FAM81A: variants seen among roughly 807,000 people sequenced by gnomAD.
The protein encoded by FAM81A is family with sequence similarity 81 member A.
Under a neutral mutation model 46.7 loss-of-function variants are expected in FAM81A, and 19 were observed. The observed-to-expected ratio is 0.41, with a 90% confidence interval of 0.28 to 0.60. The LOEUF (loss-of-function observed/expected upper bound fraction) is 0.60. Ranked by LOEUF, FAM81A falls within the 20% of genes least tolerant of loss-of-function variation. The probability of loss-of-function intolerance (pLI) is 0.34; values close to 1 mark genes in which losing one functional copy is unlikely to be tolerated. For missense variants in FAM81A, 377 were observed against 453.5 expected (o/e 0.83, Z 1.53); for synonymous variants, 183 against 152.9 (o/e 1.20, Z -1.45).
intron 3 of FAM81A, among the ~76,000 whole-genome samples, chr15:59,470,428 G>T (rs574519670): frequency 4.6e-4 from 70 of 152,094 alleles, no homozygotes; most frequent in African/African-American, 1.2e-3. Flanking sequence ...CTCTAACCTT[G>T]TCTTCTTCCT....
At chr15:59,422,510 T>A (rs1333844262) in intron 2 of FAM81A, among the ~76,000 whole-genome samples, 1 of 152,136 alleles carries the variant, frequency 6.6e-6, no homozygotes, top group Non-Finnish European at 1.5e-5. Flanking sequence ...GGAGTCTCGC[T>A]CTGTCACCCA....
At chr15:59,479,556 A>G (rs916256136) in intron 3 of FAM81A, among the ~76,000 whole-genome samples, 16 of 150,878 alleles carry the variant, frequency 1.1e-4, no homozygotes, top group Admixed American at 2.0e-4. Flanking sequence ...TGGTAAGGGA[A>G]TAAGGTGACG....
chr15:59,438,603 A>C, intron 1 of FAM81A: 1 of 152,024 alleles, frequency 6.6e-6, no homozygotes, highest in Non-Finnish European at 1.5e-5. Flanking sequence ...GAGTCAGCCG[A>C]CCCACTACTC....
intron 1 of FAM81A, among the ~76,000 whole-genome samples, chr15:59,401,033 A>G (rs1374594548): frequency 1.3e-5 from 2 of 152,340 alleles, no homozygotes; most frequent in East Asian, 3.9e-4. Flanking sequence ...GTTTGAAGTT[A>G]GAGTCCTAAA....
At chr15:59,409,349 C>T (rs1485542686) in intron 2 of FAM81A, among the ~76,000 whole-genome samples, 1 of 152,152 alleles carries the variant, frequency 6.6e-6, no homozygotes, top group Non-Finnish European at 1.5e-5. Flanking sequence ...TCCTTTCTTC[C>T]CTGCCTGATC....
intron 3 of FAM81A, among the ~76,000 whole-genome samples, chr15:59,490,373 A>C (rs1408855156): frequency 6.6e-6 from 1 of 151,918 alleles, no homozygotes; most frequent in African/African-American, 2.4e-5. Context: ...CAGAATATAT[A>C]AGGAGCTCAA....
chr15:59,500,590 C>G (rs1230418280), intron 4 of FAM81A, among the ~76,000 whole-genome samples: 1 of 152,142 alleles, frequency 6.6e-6, no homozygotes, highest in Non-Finnish European at 1.5e-5. Context: ...GTGTAAGCCA[C>G]CATGCCTGGC....
chr15:59,508,995 T>C, intron 6 of FAM81A, 26 bp downstream of exon 6: 1 of 1,568,474 alleles, frequency 6.4e-7, no homozygotes, highest in Non-Finnish European at 8.7e-7. Flanking sequence ...ATTAAAAAAA[T>C]AAAACTTAAA....
chr15:59,445,743 C>G (rs1343744717), intron 1 of FAM81A, among the ~76,000 whole-genome samples: 1 of 152,156 alleles, frequency 6.6e-6, no homozygotes, highest in African/African-American at 2.4e-5. Flanking sequence ...CGTGCTTTCC[C>G]CTGCTAGTTT....
In FAM81A at chr15:59,482,044, A is replaced by G. The variant is rs146101951; in HGVS notation, c.295-10227A>G. 5.3e-3 allele frequency among the ~76,000 whole-genome samples: 813 copies of G among 152,256 alleles called. 7 individuals are homozygous for G. Among genetic ancestry groups the G allele is most frequent in the South Asian group, 0.016 (78 of 4,820 alleles). On this transcript the variant is annotated intron_variant, in intron 3 of 8. Transcript: ENST00000288228. The stretch of plus-strand genomic sequence containing the variant: ...ATACTCTCTGCTCCCACACATGCGC[A>G]GCCTCTCCCACTATCAACATCCCAC...
chr15:59,489,286 CATACATACATACATACATACATACATAT>C (rs1319855918), intron 3 of FAM81A, among the ~76,000 whole-genome samples: 1 of 149,906 alleles, frequency 6.7e-6, no homozygotes. Context: ...TACATACATA[CATACATACATACATACATACATACATAT>C]ATACATACAT....
chr15:59,407,294 T>TG (rs368547166), intron 2 of FAM81A: 9,049 of 135,912 alleles, frequency 0.067, 461 homozygotes, highest in African/African-American at 0.092. Context: ...TTCTTTCCTT[T>TG]TTTTTTTTTT....
chr15:59,413,255 C>T (rs2081130040), intron 2 of FAM81A, among the ~76,000 whole-genome samples: 1 of 151,940 alleles, frequency 6.6e-6, no homozygotes, highest in East Asian at 1.9e-4. Flanking sequence ...GGCTGTCCCT[C>T]GTTGTCTGGC....
chr15:59,405,974 C>T (rs144358755), intron 2 of FAM81A, among the ~76,000 whole-genome samples: 253 of 152,306 alleles, frequency 1.7e-3, no homozygotes, highest in Non-Finnish European at 1.9e-3. Context: ...GTCTGCCACT[C>T]GCTCCTTCTG....
intron 1 of FAM81A, among the ~76,000 whole-genome samples, chr15:59,439,630 CG>C (rs774285056): frequency 6.6e-6 from 1 of 152,118 alleles, no homozygotes; most frequent in Non-Finnish European, 1.5e-5. Context: ...TGTATAAGAA[CG>C]TGGGTTGGGA....
rs1196305104 is a variant in FAM81A, at chr15:59,442,618, CAA to C, written c.-78+4357_-78+4358del. 9.3e-4 allele frequency among the ~76,000 whole-genome samples: 71 copies of C among 76,684 alleles called. 1 individual carries two copies. Among genetic ancestry groups the C allele is most frequent in the African/African-American group, 2.3e-3 (49 of 21,236 alleles). The allele number at this position is 76,684 out of a possible 152,430, so 50.3% of individuals were successfully genotyped here. A position where few individuals can be genotyped will look rare whatever the true frequency, so the allele number is the denominator to read the frequency against. Reference sequence around the variant, plus strand: ...GGCGACAGAGCGAGACTCCGTCTCTCAAAAAAAAAAAAAAAAAAAAAAGAAAA... The same window carrying C: ...GGCGACAGAGCGAGACTCCGTCTCTCAAAAAAAAAAAAAAAAAAAAGAAAA... On this transcript the variant is annotated intron_variant, in intron 1 of 8. Transcript: ENST00000288228.
At chr15:59,406,289 A>T (rs2081094556) in intron 2 of FAM81A, among the ~76,000 whole-genome samples, 1 of 152,182 alleles carries the variant, frequency 6.6e-6, no homozygotes, top group South Asian at 2.1e-4. Context: ...AAGTTATCTC[A>T]TTTAACTGGC....
upstream of FAM81A, among the ~76,000 whole-genome samples, chr15:59,437,004 A>G (rs546680005): frequency 6.6e-6 from 1 of 152,360 alleles, no homozygotes; most frequent in East Asian, 1.9e-4. Context: ...GCAGCCATCC[A>G]ATAGATACTG....
intron 2 of FAM81A, among the ~76,000 whole-genome samples, chr15:59,427,830 A>G (rs1263082038): frequency 1.3e-5 from 2 of 152,196 alleles, no homozygotes; most frequent in Non-Finnish European, 2.9e-5. Context: ...GGTTGCTTCC[A>G]AATTTTTGTT....
Sources: allele counts gnomAD v4.1 joint callset (sites outside exome capture counted in the v4.1 genomes callset), GRCh38; gene constraint gnomAD v4.1.1; transcripts MANE v1.5; gene names NCBI Gene and HGNC (gene_info 2026-07-23, HGNC 2026-07-21).